The following TOX2 variants were observed in gnomAD, a reference collection of about 807,000 sequenced individuals.
TOX2 encodes TOX high mobility group box family member 2, also known as granulosa cell HMG box 1.
In TOX2, 15 loss-of-function variants were observed where a neutral mutation model predicts 47.4. The ratio of observed to expected loss-of-function variants is 0.32; its 90% CI spans 0.21 to 0.49. The LOEUF (loss-of-function observed/expected upper bound fraction) is 0.49. TOX2 is among the 20% of genes least tolerant of loss of function. The pLI is 0.99. For synonymous variants in TOX2, 290 were observed against 296.6 expected (o/e 0.98, Z 0.23); for missense variants, 622 against 673.1 (o/e 0.92, Z 0.84).
intron 1 of TOX2, among the ~76,000 whole-genome samples, chr20:43,966,326 A>T (rs796923723): frequency 3.3e-5 from 5 of 152,324 alleles, no homozygotes; most frequent in African/African-American, 1.2e-4. Flanking sequence ...GTCCAAGAAT[A>T]TGGGTTTATA....
rs75413848 is a variant in TOX2 at position 44,036,564 on chromosome 20, T to A, written c.412-14742T>A. ...CTACCTGCCACATAAAGGATAACAT[T>A]TCTACCATCGCTTCTACTTACCACA... On this transcript the variant is annotated intron_variant, in intron 3 of 8. Transcript: ENST00000341197. 8.0e-3 allele frequency among the ~76,000 whole-genome samples: 1,226 copies of A among 152,342 alleles called. 14 individuals are homozygous for A. Among genetic ancestry groups the A allele is most frequent in the African/African-American group, 0.028 (1,169 of 41,580 alleles).
chr20:44,062,465 GAAAACTAC>G (rs912866849), intron 5 of TOX2, among the ~76,000 whole-genome samples: 1 of 151,798 alleles, frequency 6.6e-6, no homozygotes, highest in African/African-American at 2.4e-5. Context: ...CCTCTACAAG[GAAAACTAC>G]AAAACACTGC....
chr20:44,055,131 G>C (rs1001270431), intron 5 of TOX2, among the ~76,000 whole-genome samples: 2 of 152,140 alleles, frequency 1.3e-5, no homozygotes, highest in African/African-American at 4.8e-5. Context: ...CTGTTTGGTA[G>C]AGACACCAAG....
At chr20:43,924,729 T>C (rs2069146329) in intron 1 of TOX2, among the ~76,000 whole-genome samples, 1 of 152,238 alleles carries the variant, frequency 6.6e-6, no homozygotes, top group Non-Finnish European at 1.5e-5. Context: ...TGCACCTCAT[T>C]TTTCTACCAT....
chr20:43,920,847 G>A (rs1008841821), intron 1 of TOX2, among the ~76,000 whole-genome samples: 1 of 152,202 alleles, frequency 6.6e-6, no homozygotes, highest in African/African-American at 2.4e-5. Flanking sequence ...GCACTGGGAG[G>A]GAATGCTGGT....
intron 3 of TOX2, among the ~76,000 whole-genome samples, chr20:44,031,196 G>A (rs145568739): frequency 6.6e-6 from 1 of 152,274 alleles, no homozygotes; most frequent in Admixed American, 6.5e-5. Flanking sequence ...ATGGGCATTG[G>A]AAGCAGCGCT....
chr20:43,936,468 G>A (rs1166181608), intron 1 of TOX2, among the ~76,000 whole-genome samples: 1 of 152,234 alleles, frequency 6.6e-6, no homozygotes, highest in Non-Finnish European at 1.5e-5. Context: ...AGGCTTCCTG[G>A]CTAGGCTGGT....
chr20:44,028,623 A>T (rs1252072666), intron 3 of TOX2, among the ~76,000 whole-genome samples: 2 of 93,350 alleles, frequency 2.1e-5, no homozygotes, highest in Non-Finnish European at 4.7e-5. Flanking sequence ...TGGAGCTTAC[A>T]TTCCAGTGAT....
intron 2 of TOX2, among the ~76,000 whole-genome samples, chr20:43,990,846 C>T (rs147591243): frequency 4.6e-5 from 7 of 151,626 alleles, no homozygotes; most frequent in South Asian, 2.1e-4. Context: ...AGGCAGCTGG[C>T]GTGTGGCACA....
chr20:44,040,884 C>G (rs1201059148), intron 3 of TOX2, among the ~76,000 whole-genome samples: 1 of 152,094 alleles, frequency 6.6e-6, no homozygotes. Context: ...TTTAAGAGAC[C>G]TGGAGCTAAG....
intron 3 of TOX2, among the ~76,000 whole-genome samples, chr20:44,043,615 A>G (rs2071369177): frequency 6.6e-6 from 1 of 152,218 alleles, no homozygotes; most frequent in African/African-American, 2.4e-5. Context: ...GAATTCCATT[A>G]TGTGAATACA....
intron 1 of TOX2, among the ~76,000 whole-genome samples, chr20:43,943,321 G>A (rs1354812937): frequency 1.3e-5 from 2 of 152,164 alleles, no homozygotes; most frequent in African/African-American, 2.4e-5. Context: ...AGATGGTGGG[G>A]TTCAGTAAGA....
Position 43,952,190 on chromosome 20 carries a change from T to C in TOX2, c.100-21177T>C, listed in dbSNP as rs11907604. ...TGCTGGAATTACAGGCGTGAGCCAC[T>C]GCGCCCAGCAGAAAAGTAATTTTTT... On this transcript the variant is annotated intron_variant, in intron 1 of 8. Coordinates refer to ENST00000341197, the MANE Select transcript of TOX2 (RefSeq NM_001098797.2). Among the ~76,000 whole-genome samples the C allele has an allele frequency of 2.5e-3, 388 of 152,226 alleles. 2 individuals are homozygous for C. The highest frequency in any genetic ancestry group is 8.1e-3 in the African/African-American group (338 of 41,550).
At chr20:43,943,354 T>C (rs1407649575) in intron 1 of TOX2, among the ~76,000 whole-genome samples, 1 of 152,234 alleles carries the variant, frequency 6.6e-6, no homozygotes, top group African/African-American at 2.4e-5. Flanking sequence ...ATGCAGGGGC[T>C]TTCTGTGCTT....
chr20:44,035,926 C>T (rs987099930), intron 3 of TOX2, among the ~76,000 whole-genome samples: 10 of 152,244 alleles, frequency 6.6e-5, no homozygotes, highest in Admixed American at 3.3e-4. Flanking sequence ...ACAGAGGCTT[C>T]AGCCAATCCA....
chr20:44,015,021 G>A (rs1249530648), intron 3 of TOX2, among the ~76,000 whole-genome samples: 1 of 152,174 alleles, frequency 6.6e-6, no homozygotes. Flanking sequence ...CCAAGGGAAG[G>A]ATCCATCTTA....
chr20:43,968,992 T>G (rs1270960724), intron 1 of TOX2, among the ~76,000 whole-genome samples: 1 of 152,276 alleles, frequency 6.6e-6, no homozygotes, highest in Non-Finnish European at 1.5e-5. Flanking sequence ...TGTCTCTGTA[T>G]GCACATTCAG....
chr20:44,060,495 C>A (rs1029929529), intron 5 of TOX2, among the ~76,000 whole-genome samples: 2 of 152,106 alleles, frequency 1.3e-5, no homozygotes, highest in South Asian at 2.1e-4. Flanking sequence ...ATAGACCATA[C>A]AATAGGCCAT....
intron 4 of TOX2, among the ~76,000 whole-genome samples, chr20:44,053,006 T>A (rs915414172): frequency 6.6e-6 from 1 of 152,224 alleles, no homozygotes; most frequent in Non-Finnish European, 1.5e-5. Context: ...CATGGATGCC[T>A]GATCATGCCT....
Sources: allele counts gnomAD v4.1 joint callset (sites outside exome capture counted in the v4.1 genomes callset), GRCh38; gene constraint gnomAD v4.1.1; transcripts MANE v1.5; gene names NCBI Gene and HGNC (gene_info 2026-07-23, HGNC 2026-07-21).